TBL1X: variants seen among roughly 807,000 people sequenced by gnomAD.
The protein encoded by TBL1X is transducin beta like 1 X-linked, also known as F-box-like/WD repeat-containing protein TBL1X.
Under a neutral mutation model 50.7 loss-of-function variants are expected in TBL1X, and 10 were observed. The observed-to-expected ratio is 0.20, with a 90% confidence interval of 0.12 to 0.33. The LOEUF (loss-of-function observed/expected upper bound fraction) is 0.33, where lower values mean the gene tolerates loss of function less well. TBL1X is among the 10% of genes least tolerant of loss of function. TBL1X has a pLI of 1.00. For missense variants in TBL1X, 340 were observed against 504.4 expected (o/e 0.67, Z 3.12); for synonymous variants, 190 against 214.7 (o/e 0.88, Z 1.01).
intron 2 of TBL1X, among the ~76,000 whole-genome samples, chrX:9,593,316 C>G (rs1269760150): frequency 1.8e-5 from 2 of 109,806 alleles, no homozygotes; most frequent in East Asian, 5.7e-4. Context: ...GCAGGAGAAT[C>G]GCTTGAACCC....
At chrX:9,466,406 C>T (rs761592426) in intron 1 of TBL1X, among the ~76,000 whole-genome samples, 1 of 112,791 alleles carries the variant, frequency 8.9e-6, no homozygotes, top group Admixed American at 9.3e-5. Context: ...GGGGCTCGCT[C>T]CCTGCAAGGC....
At chrX:9,552,609 G>A (rs182279977) in intron 2 of TBL1X, among the ~76,000 whole-genome samples, 1 of 112,020 alleles carries the variant, frequency 8.9e-6, no homozygotes, top group East Asian at 2.8e-4. Context: ...TAAAGAAAGG[G>A]TGTTACTACT....
At chrX:9,536,958 G>A (rs760264241) in intron 2 of TBL1X, among the ~76,000 whole-genome samples, 33 of 112,271 alleles carry the variant, frequency 2.9e-4, no homozygotes, top group Non-Finnish European at 5.3e-4. Context: ...AATGCGCCAA[G>A]AAAGATTTCC....
chrX:9,701,773 A>G (rs916537574), intron 12 of TBL1X, among the ~76,000 whole-genome samples: 2 of 110,791 alleles, frequency 1.8e-5, no homozygotes, highest in Admixed American at 1.9e-4. Flanking sequence ...TTCCAGGTAT[A>G]TTAATCACAT....
At position 9,707,825 on chromosome X, in the gene TBL1X, G is replaced by C. The variant is rs1480487881; in HGVS notation, c.1237-1423G>C. ...CCCTCCCGGGCTCTCGCAGCAGCCT[G>C]CCCCTGGGCCGCGAAACTTCTTCCT... On this transcript the variant is annotated intron_variant, in intron 13 of 17. Coordinates refer to ENST00000645353, the MANE Select transcript of TBL1X (RefSeq NM_005647.4). 5.4e-5 allele frequency among the ~76,000 whole-genome samples: 6 copies of C among 112,085 alleles called. No individual in the cohort carries two copies. In the Admixed American group the frequency reaches 5.6e-4, roughly 11 times the overall value.
At chrX:9,703,914 G>T (rs765198006) in intron 12 of TBL1X, among the ~76,000 whole-genome samples, 1 of 112,653 alleles carries the variant, frequency 8.9e-6, no homozygotes, top group African/African-American at 3.2e-5. Flanking sequence ...GCATGGTCCA[G>T]CCCTGTGGAG....
intron 5 of TBL1X, among the ~76,000 whole-genome samples, chrX:9,665,602 T>C: frequency 1.1e-5 from 1 of 93,385 alleles, no homozygotes; most frequent in Non-Finnish European, 2.1e-5. Flanking sequence ...TTTGTTTTTC[T>C]TCTTAGTCAG....
At position 9,716,056 on chromosome X, in the gene TBL1X, T is replaced by A. The variant is rs1053773637; in HGVS notation, c.1708-164T>A. Among the ~76,000 whole-genome samples the A allele has an allele frequency of 7.1e-5, 8 of 112,446 alleles. No homozygotes were observed. In the Admixed American group the frequency reaches 7.5e-4, roughly 11 times the overall value. On this transcript the variant is annotated intron_variant, in intron 17 of 17. Transcript: ENST00000645353. ...CCGATGTCCAGATGCCAGTCTGTTA[T>A]GAGAGCTTCTCTGACCCTTCATGAC... is the stretch of plus-strand genomic sequence containing the variant.
At chrX:9,589,000 C>T (rs1295124375) in intron 2 of TBL1X, among the ~76,000 whole-genome samples, 3 of 111,320 alleles carry the variant, frequency 2.7e-5, no homozygotes, top group Non-Finnish European at 3.8e-5. Context: ...GGTAAGTGAT[C>T]CTAATCCCTG....
chrX:9,503,965 C>A (rs1453829753), intron 2 of TBL1X, among the ~76,000 whole-genome samples: 1 of 111,925 alleles, frequency 8.9e-6, no homozygotes, highest in Non-Finnish European at 1.9e-5. Context: ...GGTCCTGCTC[C>A]CTGTGTCACC....
intron 3 of TBL1X, among the ~76,000 whole-genome samples, chrX:9,653,284 G>A (rs1030458521): frequency 8.8e-6 from 1 of 113,010 alleles, no homozygotes; most frequent in Non-Finnish European, 1.9e-5. Flanking sequence ...TTTGTTCATG[G>A]ACAACAGAGT....
intron 2 of TBL1X, among the ~76,000 whole-genome samples, chrX:9,600,470 G>A (rs945381334): frequency 3.9e-5 from 2 of 51,259 alleles, no homozygotes; most frequent in Admixed American, 3.7e-4. Flanking sequence ...TTTGGTGGGC[G>A]GGGGGGGGGG....
At chrX:9,468,451 A>G (rs1428347947) in intron 1 of TBL1X, among the ~76,000 whole-genome samples, 4 of 111,366 alleles carry the variant, frequency 3.6e-5, no homozygotes, top group African/African-American at 6.6e-5. Context: ...GTGGACCTGC[A>G]TTTTCCTCGT....
chrX:9,705,488 C>T (rs1226483769), intron 13 of TBL1X, among the ~76,000 whole-genome samples: 1 of 111,453 alleles, frequency 9.0e-6, no homozygotes, highest in Non-Finnish European at 1.9e-5. Flanking sequence ...AGTGTGGTGG[C>T]TTATGCCTAT....
intron 11 of TBL1X, 132 bp downstream of exon 11, chrX:9,693,551 A>G: frequency 1.6e-6 from 1 of 641,675 alleles, no homozygotes; most frequent in Non-Finnish European, 2.4e-6. Flanking sequence ...TGATTTGTTT[A>G]GGCTTTGTTT....
At chrX:9,472,122 CTGT>C (rs1212157924) in intron 1 of TBL1X, among the ~76,000 whole-genome samples, 6 of 111,913 alleles carry the variant, frequency 5.4e-5, no homozygotes, top group Non-Finnish European at 1.1e-4. Context: ...AGGGACCTGC[CTGT>C]TGTTAGGATT....
chrX:9,583,364 G>C (rs756172541), intron 2 of TBL1X, among the ~76,000 whole-genome samples: 4 of 112,101 alleles, frequency 3.6e-5, no homozygotes, highest in African/African-American at 6.5e-5. Flanking sequence ...CCCAAATGAG[G>C]TCACATTCAG....
intron 11 of TBL1X, 72 bp from the exon 12 acceptor site, chrX:9,697,297 G>T: frequency 8.5e-7 from 1 of 1,173,180 alleles, no homozygotes; most frequent in South Asian, 1.9e-5. Context: ...GTCTTTTCTT[G>T]TATGATAAAT....
In TBL1X at chrX:9,545,630, T is replaced by C. The variant is rs996827648; in HGVS notation, c.-131+43781T>C. Among the ~76,000 whole-genome samples, 4 of 110,558 alleles carry C rather than the reference T, an allele frequency of 3.6e-5. No individual in the cohort carries two copies. In the East Asian group the frequency reaches 1.1e-3, roughly 31 times the overall value. On this transcript the variant is annotated intron_variant, in intron 2 of 17. Transcript: ENST00000645353. ...AAACATTTTTACCAAATGTATGTTTTCTCTCATTACTCTAAGGTTGCTCCC... is the reference window on the plus strand; with the variant it reads ...AAACATTTTTACCAAATGTATGTTTCCTCTCATTACTCTAAGGTTGCTCCC...
Sources: allele counts gnomAD v4.1 joint callset (sites outside exome capture counted in the v4.1 genomes callset), GRCh38; gene constraint gnomAD v4.1.1; transcripts MANE v1.5; gene names NCBI Gene and HGNC (gene_info 2026-07-23, HGNC 2026-07-21).